Variants in STX8 observed in about 807,000 individuals in gnomAD.
STX8 encodes syntaxin 8.
A neutral mutation model predicts 37.5 loss-of-function variants in STX8; 23 were observed. The observed-to-expected ratio is 0.61, with a 90% CI of 0.44 to 0.87. STX8 has a LOEUF of 0.87. Among genes scored for constraint, STX8 ranks in the 40% least tolerant of loss-of-function variants. The pLI, the probability that STX8 is intolerant of heterozygous loss-of-function variation, is 0.00. For synonymous variants in STX8, 115 were observed against 99.1 expected (o/e 1.16, Z -0.95); for missense variants, 313 against 284.7 (o/e 1.10, Z -0.71).
At chr17:9,558,032 C>T (rs550006543) in intron 2 of STX8, among the ~76,000 whole-genome samples, 2 of 152,292 alleles carry the variant, frequency 1.3e-5, no homozygotes, top group East Asian at 3.9e-4. Flanking sequence ...CGTTTTACGG[C>T]AATGTGTTCT....
At chr17:9,415,121 C>T (rs1913139471) in intron 6 of STX8, among the ~76,000 whole-genome samples, 1 of 152,126 alleles carries the variant, frequency 6.6e-6, no homozygotes, top group South Asian at 2.1e-4. Flanking sequence ...CCCCATCCCA[C>T]AGCCTGAGGA....
intron 6 of STX8, among the ~76,000 whole-genome samples, chr17:9,409,078 C>T (rs1912896132): frequency 6.6e-6 from 1 of 151,580 alleles, no homozygotes; most frequent in Non-Finnish European, 1.5e-5. Flanking sequence ...CACTGCCCAA[C>T]CCCCTGCCCC....
At chr17:9,512,932 C>A (rs192343492) in intron 4 of STX8, among the ~76,000 whole-genome samples, 6 of 152,140 alleles carry the variant, frequency 3.9e-5, no homozygotes, top group Non-Finnish European at 7.4e-5. Flanking sequence ...AAGTACCAGG[C>A]AAAAACAAGG....
chr17:9,324,714 A>G (rs1280129155), intron 7 of STX8, among the ~76,000 whole-genome samples: 1 of 147,928 alleles, frequency 6.8e-6, no homozygotes, highest in East Asian at 2.0e-4. Flanking sequence ...GCAGTGAGCC[A>G]TGATTGTACC....
At chr17:9,458,190 T>C (rs889289874) in intron 6 of STX8, among the ~76,000 whole-genome samples, 5 of 152,172 alleles carry the variant, frequency 3.3e-5, no homozygotes, top group East Asian at 1.9e-4. Context: ...CGCTCTGTCG[T>C]CCAGGCTGGA....
chr17:9,371,112 C>G (rs1597629553), intron 7 of STX8, among the ~76,000 whole-genome samples: 2 of 152,208 alleles, frequency 1.3e-5, no homozygotes, highest in East Asian at 3.9e-4. Context: ...ATCATCGGGC[C>G]TCTCTCCTGT....
intron 4 of STX8, among the ~76,000 whole-genome samples, chr17:9,536,542 G>T (rs1906065506): frequency 6.6e-6 from 1 of 152,028 alleles, no homozygotes; most frequent in African/African-American, 2.4e-5. Context: ...TCGTCAGTCA[G>T]AGTGGGTCAG....
intron 7 of STX8, among the ~76,000 whole-genome samples, chr17:9,360,102 T>C (rs1250774241): frequency 6.6e-6 from 1 of 152,132 alleles, no homozygotes; most frequent in Non-Finnish European, 1.5e-5. Context: ...CCAAGGAATT[T>C]TGAAATTACA....
At chr17:9,535,684 G>A (rs1185744992) in intron 4 of STX8, among the ~76,000 whole-genome samples, 5 of 151,688 alleles carry the variant, frequency 3.3e-5, no homozygotes, top group Non-Finnish European at 5.9e-5. Context: ...TGCCCGCCTT[G>A]GCCTCCCAAA....
chr17:9,369,477 A>G (rs1380271605), intron 7 of STX8, among the ~76,000 whole-genome samples: 1 of 152,188 alleles, frequency 6.6e-6, no homozygotes, highest in Non-Finnish European at 1.5e-5. Flanking sequence ...TTCTTGTGGT[A>G]AAAGATTAAA....
intron 7 of STX8, among the ~76,000 whole-genome samples, chr17:9,362,324 C>CAACA (rs947882359): frequency 2.6e-5 from 4 of 152,126 alleles, no homozygotes; most frequent in South Asian, 2.1e-4. Context: ...GACTCTGTCT[C>CAACA]AACAAACAAA....
intron 7 of STX8, among the ~76,000 whole-genome samples, chr17:9,286,029 T>C (rs1190813489): frequency 6.6e-6 from 1 of 151,818 alleles, no homozygotes; most frequent in African/African-American, 2.4e-5. Flanking sequence ...ATAGCAGACT[T>C]GGTAAGGCTT....
intron 4 of STX8, among the ~76,000 whole-genome samples, chr17:9,527,488 G>A (rs897401476): frequency 2.6e-5 from 4 of 152,038 alleles, no homozygotes; most frequent in African/African-American, 9.7e-5. Flanking sequence ...AAAATACAGC[G>A]TGATTAGGTA....
At chr17:9,574,542 A>T (rs891694781) in intron 1 of STX8, among the ~76,000 whole-genome samples, 229 of 149,988 alleles carry the variant, frequency 1.5e-3, no homozygotes, top group African/African-American at 5.1e-3. Context: ...GGGGTTTTTT[A>T]TTTTTTTTTG....
chr17:9,571,200 A>C (rs1308513584), intron 1 of STX8, among the ~76,000 whole-genome samples: 1 of 152,182 alleles, frequency 6.6e-6, no homozygotes, highest in African/African-American at 2.4e-5. Flanking sequence ...TCCTGACTCC[A>C]GTCCTTGTGT....
Position 9,285,455 on chromosome 17 carries a change from G to A in STX8, c.644-34810C>T, listed in dbSNP as rs186614920. 1.2e-4 allele frequency among the ~76,000 whole-genome samples: 18 copies of A among 150,826 alleles called. No individual in the cohort carries two copies. The South Asian group carries it at 1.5e-3, about 12-fold the overall frequency. On this transcript the variant is annotated intron_variant, in intron 7 of 7. Coordinates refer to ENST00000306357, the MANE Select transcript of STX8 (RefSeq NM_004853.3). Reference sequence around the variant, plus strand: ...AAGGAGAAACATCTGGGACATCTCCGTCTACCTGAGGCCCTGGACTGCTGG... The same window carrying A: ...AAGGAGAAACATCTGGGACATCTCCATCTACCTGAGGCCCTGGACTGCTGG...
chr17:9,400,982 C>T (rs7220482), intron 6 of STX8, among the ~76,000 whole-genome samples: 36,842 of 151,974 alleles, frequency 0.24, 4,878 homozygotes, highest in African/African-American at 0.34. Flanking sequence ...TATCTAGACC[C>T]GAACTAGTAG....
chr17:9,382,167 A>ACACT (rs1157933790), intron 6 of STX8, among the ~76,000 whole-genome samples: 3 of 135,020 alleles, frequency 2.2e-5, no homozygotes, highest in African/African-American at 3.4e-5. Context: ...AACCAAGAAA[A>ACACT]CACTCACACA....
rs1905761849 is a variant in STX8 at position 9,469,564 on chromosome 17, A to T, written c.541+22265T>A. Among the ~76,000 whole-genome samples the T allele has an allele frequency of 5.3e-5, 8 of 152,220 alleles. No homozygotes were observed. The South Asian group carries it at 1.7e-3, about 32-fold the overall frequency. On this transcript the variant is annotated intron_variant, in intron 6 of 7. Transcript: ENST00000306357. ...TCAAGGACAAACTCTCCGTGAGCCC[A>T]TCCTAAATATATCTCCCATAAACAC...
Sources: allele counts gnomAD v4.1 joint callset (sites outside exome capture counted in the v4.1 genomes callset), GRCh38; gene constraint gnomAD v4.1.1; transcripts MANE v1.5; gene names NCBI Gene and HGNC (gene_info 2026-07-23, HGNC 2026-07-21).